MYO9B: variants seen among roughly 807,000 people sequenced by gnomAD.
MYO9B encodes unconventional myosin-IXb.
In MYO9B, 71 loss-of-function variants were observed where a neutral mutation model predicts 229.5. The observed-to-expected ratio is 0.31, with a 90% CI of 0.26 to 0.38. MYO9B has a LOEUF of 0.38. Ranked by LOEUF, MYO9B falls within the 10% of genes least tolerant of loss-of-function variation. MYO9B has a pLI of 1.00. For synonymous variants in MYO9B, 1,185 were observed against 1,235.8 expected (o/e 0.96, Z 0.86); for missense variants, 2,255 against 2,920.5 (o/e 0.77, Z 5.25).
At chr19:17,198,352 C>G in intron 24 of MYO9B, 44 bp downstream of exon 24, 1 of 1,608,238 alleles carries the variant, frequency 6.2e-7, no homozygotes, top group East Asian at 2.2e-5. Flanking sequence ...CAGAGGATGC[C>G]CGGGGTCCCT....
rs545273471 is a variant in MYO9B at position 17,126,724 on chromosome 19, G to A, written c.841-18673G>A. 8.0e-5 allele frequency among the ~76,000 whole-genome samples: 12 copies of A among 150,400 alleles called. No individual in the cohort carries two copies. The South Asian group carries it at 2.3e-3, about 29-fold the overall frequency. ...CTGTTGCCCAGGCTGGAATGCAGTG[G>A]TGCGATCTCAGCTCACTGCAGCCTC... On this transcript the variant is annotated intron_variant, in intron 2 of 39. Transcript: ENST00000682292.
chr19:17,115,469 C>CTTTTTTTTCTT (rs2057892902), intron 2 of MYO9B, among the ~76,000 whole-genome samples: 1 of 132,508 alleles, frequency 7.5e-6, no homozygotes, highest in Non-Finnish European at 1.6e-5. Flanking sequence ...TCACAGATGC[C>CTTTTTTTTCTT]TTTTTTTTTT....
intron 2 of MYO9B, among the ~76,000 whole-genome samples, chr19:17,139,368 G>A (rs1432421493): frequency 6.6e-6 from 1 of 152,064 alleles, no homozygotes; most frequent in Admixed American, 6.6e-5. Context: ...AAAATCGCTT[G>A]AACTCAGGAG....
At chr19:17,110,048 T>G (rs2057832359) in intron 2 of MYO9B, among the ~76,000 whole-genome samples, 1 of 151,990 alleles carries the variant, frequency 6.6e-6, no homozygotes, top group Admixed American at 6.6e-5. Flanking sequence ...TGCTCTCCCC[T>G]CTCTCGCCCG....
chr19:17,111,461 A>C (rs2057847636), intron 2 of MYO9B, among the ~76,000 whole-genome samples: 1 of 152,234 alleles, frequency 6.6e-6, no homozygotes, highest in South Asian at 2.1e-4. Flanking sequence ...TGTATAAATT[A>C]TATCTGCAGT....
intron 11 of MYO9B, among the ~76,000 whole-genome samples, chr19:17,169,028 A>G (rs749228590): frequency 3.3e-5 from 5 of 152,136 alleles, no homozygotes; most frequent in Non-Finnish European, 7.4e-5. Flanking sequence ...GCTACAAGCC[A>G]GGTGGGCTCT....
In MYO9B at chr19:17,209,690, C is replaced by T. The variant is rs759339112; in HGVS notation, c.5729C>T (p.Ser1910Leu). 12 of 1,613,474 alleles carry T rather than the reference C, an allele frequency of 7.4e-6. No individual in the cohort carries two copies. The highest frequency in any genetic ancestry group is 1.3e-5 in the African/African-American group (1 of 74,946). Residue 1910 changes from serine (S) to leucine (L), a missense_variant, in exon 36 of 40, where the codon TCG becomes TTG. By Grantham distance (145) the Ser-to-Leu change is moderately radical (BLOSUM62 -2). Coordinates refer to ENST00000682292, the MANE Select transcript of MYO9B (RefSeq NM_004145.4). The stretch of plus-strand genomic sequence containing the variant: ...GAGAGTATCGCCTTCCGCAGGCTTT[C>T]GCTCCTGCGACAAAATGCTGTGAGT... ...AAESIAFRRL[S>L]LLRQNAPWPL...
intron 2 of MYO9B, among the ~76,000 whole-genome samples, chr19:17,119,927 T>C (rs1249572320): frequency 2.0e-5 from 3 of 152,162 alleles, no homozygotes; most frequent in Non-Finnish European, 4.4e-5. Context: ...GGATTACAGC[T>C]ATAAGCCATT....
At chr19:17,134,381 G>T (rs143951730) in intron 2 of MYO9B, among the ~76,000 whole-genome samples, 490 of 46,180 alleles carry the variant, frequency 0.011, 1 homozygote, top group African/African-American at 0.021. Flanking sequence ...CGTTTTGTTT[G>T]TTTTTTTTTT....
intron 18 of MYO9B, 129 bp downstream of exon 18, chr19:17,186,130 C>T (rs1380206361): frequency 6.7e-6 from 5 of 745,774 alleles, no homozygotes; most frequent in Non-Finnish European, 1.1e-5. Context: ...CAGAGGCAGC[C>T]GGGGATGGAG....
intron 2 of MYO9B, among the ~76,000 whole-genome samples, chr19:17,133,666 G>T (rs763981113): frequency 6.6e-6 from 1 of 151,986 alleles, no homozygotes; most frequent in East Asian, 1.9e-4. Flanking sequence ...TGCCCAGGCT[G>T]GTCTCAAACT....
intron 14 of MYO9B, 119 bp from the exon 15 acceptor site, chr19:17,180,808 A>G (rs2072850555): frequency 1.6e-6 from 1 of 620,550 alleles, no homozygotes; most frequent in Non-Finnish European, 2.8e-6. Context: ...CCCCAGCTGC[A>G]TGTTTTGGCT....
At chr19:17,146,800 G>A (rs2072416597) in intron 3 of MYO9B, among the ~76,000 whole-genome samples, 1 of 152,146 alleles carries the variant, frequency 6.6e-6, no homozygotes, top group Non-Finnish European at 1.5e-5. Context: ...GAGGGTCCAA[G>A]GCCTGGATAC....
At chr19:17,169,181 G>A (rs1048943853) in intron 11 of MYO9B, among the ~76,000 whole-genome samples, 1 of 151,980 alleles carries the variant, frequency 6.6e-6, no homozygotes, top group Non-Finnish European at 1.5e-5. Context: ...AGACCAGCCT[G>A]GCCAACATGG....
rs2072731733 is a variant in MYO9B, at chr19:17,172,152, T to C, written c.1794-184T>C. Among the ~76,000 whole-genome samples, 1 of 152,126 alleles carries C rather than the reference T, an allele frequency of 6.6e-6. No homozygotes were observed. Among genetic ancestry groups the C allele is most frequent in the African/African-American group, 2.4e-5 (1 of 41,416 alleles). On this transcript the variant is annotated intron_variant, in intron 11 of 39. Coordinates refer to ENST00000682292, the MANE Select transcript of MYO9B (RefSeq NM_004145.4). This position sits in a 1 kb window ranked among gnomAD's most constrained non-coding sequence, Gnocchi z 8.2. ...TTCGGCATGAGGCAGGCAGGCGCAC[T>C]GTCATTCCTTCCTTTCTTCACTCCT...
intron 8 of MYO9B, among the ~76,000 whole-genome samples, chr19:17,161,137 G>A (rs939345187): frequency 9.9e-5 from 15 of 152,126 alleles, no homozygotes; most frequent in Admixed American, 4.6e-4. Flanking sequence ...CAGCCACATG[G>A]TGCACCCGGA....
chr19:17,189,453 T>C (rs1279643644), intron 19 of MYO9B, among the ~76,000 whole-genome samples: 1 of 117,764 alleles, frequency 8.5e-6, no homozygotes, highest in Non-Finnish European at 1.7e-5. Context: ...CTAGGCAACA[T>C]GGTGAAACCC....
chr19:17,156,393 T>C (rs3786511), intron 6 of MYO9B, among the ~76,000 whole-genome samples: 116,263 of 151,718 alleles, frequency 0.77, 45,581 homozygotes, highest in African/African-American at 0.94. Context: ...CCAGCCTGGG[T>C]GACAGAGTGA....
intron 1 of MYO9B, among the ~76,000 whole-genome samples, chr19:17,087,657 C>A (rs949678519): frequency 6.6e-6 from 1 of 152,078 alleles, no homozygotes; most frequent in Non-Finnish European, 1.5e-5. Context: ...TGGCCAGGCA[C>A]GGTGCCTCAC....
Sources: allele counts gnomAD v4.1 joint callset (sites outside exome capture counted in the v4.1 genomes callset), GRCh38; gene constraint gnomAD v4.1.1; non-coding constraint Gnocchi (gnomAD v3.1); transcripts MANE v1.5; gene names NCBI Gene and HGNC (gene_info 2026-07-23, HGNC 2026-07-21).